Variants in MYO16 observed in about 807,000 individuals in gnomAD.
MYO16 encodes the protein myosin XVI.
Under a neutral mutation model 205.3 loss-of-function variants are expected in MYO16, and 94 were observed. The ratio of observed to expected loss-of-function variants is 0.46; its 90% CI spans 0.39 to 0.54. The LOEUF is 0.54. MYO16 is among the 20% of genes least tolerant of loss of function. The pLI is 0.00. For synonymous variants in MYO16, 988 were observed against 954.0 expected, an observed-to-expected ratio of 1.04 and a Z score of -0.66; for missense variants, 2,315 against 2,387.5, an observed-to-expected ratio of 0.97 and a Z score of 0.63.
At chr13:109,014,809 A>C (rs538849331) in intron 22 of MYO16, among the ~76,000 whole-genome samples, 139 of 152,296 alleles carry the variant, frequency 9.1e-4, no homozygotes, top group Non-Finnish European at 1.7e-3. Context: ...TTGCACATTG[A>C]TTTTGTATCC....
intron 1 of MYO16, among the ~76,000 whole-genome samples, chr13:108,634,202 C>T (rs1338272948): frequency 6.6e-6 from 1 of 152,150 alleles, no homozygotes; most frequent in African/African-American, 2.4e-5. Context: ...TGCCTAGAGA[C>T]CCCTTCTTCT....
At chr13:108,551,849 A>G in the MYO16 span, among the ~76,000 whole-genome samples, 1 of 152,176 alleles carries the variant, frequency 6.6e-6, no homozygotes, top group Non-Finnish European at 1.5e-5. Flanking sequence ...TCCTGAGGCA[A>G]TGGTAGCTTC....
At chr13:108,523,818 G>T in the MYO16 span, among the ~76,000 whole-genome samples, 2 of 152,168 alleles carry the variant, frequency 1.3e-5, no homozygotes, top group African/African-American at 4.8e-5. Flanking sequence ...TTCAAGTGTT[G>T]ATATAGTGTA....
intron 27 of MYO16, among the ~76,000 whole-genome samples, chr13:109,077,103 T>TC (rs1888134494): frequency 6.6e-6 from 1 of 151,672 alleles, no homozygotes; most frequent in South Asian, 2.1e-4. Flanking sequence ...CACTGCAGCC[T>TC]CCATCTCCTG....
the MYO16 span, among the ~76,000 whole-genome samples, chr13:108,537,085 T>C: frequency 6.6e-6 from 1 of 152,118 alleles, no homozygotes; most frequent in South Asian, 2.1e-4. Flanking sequence ...TAATGAATAG[T>C]GTACCAGATG....
rs761705270 is a variant in MYO16 at position 109,009,052 on chromosome 13, A to T, written c.2595+3A>T. 2 of 1,580,056 alleles carry T rather than the reference A, an allele frequency of 1.3e-6. No homozygotes were observed. ...GAGTTTTGGACTTTTTTTTCCAGGT[A>T]TTCATATAATATAATTAGATACTTA... On this transcript the variant is annotated splice_donor_region_variant and intron_variant, in intron 22 of 34. Transcript: ENST00000457511.
chr13:108,673,136 G>A (rs1882061357), intron 2 of MYO16, among the ~76,000 whole-genome samples: 1 of 152,146 alleles, frequency 6.6e-6, no homozygotes, highest in South Asian at 2.1e-4. Flanking sequence ...GAGAGACCAT[G>A]TTTTTATAGA....
intron 34 of MYO16, among the ~76,000 whole-genome samples, chr13:109,189,945 A>G (rs1594172607): frequency 6.6e-6 from 1 of 151,860 alleles, no homozygotes; most frequent in Non-Finnish European, 1.5e-5. Flanking sequence ...AACTTTCCCA[A>G]TTCCTCAGAT....
chr13:109,060,998 A>G (rs970171591), intron 27 of MYO16, among the ~76,000 whole-genome samples: 6 of 152,144 alleles, frequency 3.9e-5, no homozygotes, highest in African/African-American at 1.2e-4. Flanking sequence ...CTGCAGCTTT[A>G]CATCAAATGT....
chr13:108,655,582 C>A (rs955661640), intron 1 of MYO16, among the ~76,000 whole-genome samples: 8 of 152,170 alleles, frequency 5.3e-5, no homozygotes, highest in East Asian at 1.9e-4. Context: ...GAGCCACCAT[C>A]TTCCAGACCC....
intron 4 of MYO16, among the ~76,000 whole-genome samples, chr13:108,751,308 AT>A (rs552051590): frequency 0.011 from 1,614 of 151,590 alleles, 8 homozygotes; most frequent in Non-Finnish European, 0.016. Flanking sequence ...TTGGGAGGTG[AT>A]TTTTTTTTAA....
intron 28 of MYO16, among the ~76,000 whole-genome samples, chr13:109,108,017 A>G (rs1010352527): frequency 6.6e-6 from 1 of 152,160 alleles, no homozygotes; most frequent in Non-Finnish European, 1.5e-5. Context: ...CCAGAATTGA[A>G]CTACCTAAAG....
At chr13:109,104,275 A>G (rs1290042025) in intron 28 of MYO16, among the ~76,000 whole-genome samples, 1 of 152,224 alleles carries the variant, frequency 6.6e-6, no homozygotes, top group Non-Finnish European at 1.5e-5. Flanking sequence ...TATGCATCAC[A>G]GTACAAGCTT....
Position 109,140,886 on chromosome 13 carries a change from C to T in MYO16, c.4674C>T (p.Ser1558=). The change falls in exon 32 of 35, where the codon AGC becomes AGT. Residue 1558 remains serine (S), a synonymous_variant. Transcript: ENST00000457511. The surrounding 1 kb of genome is among the most constrained non-coding windows in gnomAD (Gnocchi z 8.0). ...LKYPVQPEGS[S]PLSPQYSKSQ... ...ACCCCGTGCAGCCGGAGGGGTCGAG[C>T]CCGCTGTCCCCGCAGTACTCCAAGA... 1 of 1,593,692 alleles carries T rather than the reference C, an allele frequency of 6.3e-7. No individual in the cohort carries two copies. The highest frequency in any genetic ancestry group is 8.5e-7 in the Non-Finnish European group (1 of 1,171,804).
intron 27 of MYO16, among the ~76,000 whole-genome samples, chr13:109,094,398 A>T (rs1015599119): frequency 6.6e-6 from 1 of 151,986 alleles, no homozygotes; most frequent in African/African-American, 2.4e-5. Context: ...TTTTGTAGAG[A>T]TGGGGTCTTG....
intron 34 of MYO16, among the ~76,000 whole-genome samples, chr13:109,192,000 T>A (rs1404981610): frequency 6.6e-6 from 1 of 152,186 alleles, no homozygotes; most frequent in Non-Finnish European, 1.5e-5. Flanking sequence ...TCTGATAATT[T>A]TGAAAGCGAA....
intron 4 of MYO16, among the ~76,000 whole-genome samples, chr13:108,766,570 G>A (rs1049343635): frequency 3.3e-5 from 5 of 152,084 alleles, no homozygotes; most frequent in South Asian, 4.1e-4. Flanking sequence ...TTATAAAATC[G>A]CCTTCATACC....
chr13:108,621,224 T>A (rs909698964), intron 1 of MYO16, among the ~76,000 whole-genome samples: 4 of 152,070 alleles, frequency 2.6e-5, no homozygotes, highest in Non-Finnish European at 5.9e-5. Context: ...CAGTGTATAA[T>A]CTTTGTAAGC....
chr13:109,062,399 A>G (rs9514969), intron 27 of MYO16, among the ~76,000 whole-genome samples: 75,251 of 151,962 alleles, frequency 0.5, 18,657 homozygotes, highest in Middle Eastern at 0.55. Context: ...CAGAGACCAT[A>G]GGCATACTGT....
Sources: gnomAD v4.1 joint callset for allele counts (sites outside exome capture counted in the v4.1 genomes callset) on GRCh38, gnomAD v4.1.1 for gene constraint, Gnocchi (gnomAD v3.1) non-coding constraint, MANE v1.5 for transcripts, NCBI Gene and HGNC (gene_info 2026-07-23, HGNC 2026-07-21) for gene names.